Variants in FAM168A observed in about 807,000 individuals in gnomAD.
The protein encoded by FAM168A is family with sequence similarity 168 member A.
FAM168A carries 3 observed loss-of-function variants against 28.5 expected under a neutral mutation model. The ratio of observed to expected loss-of-function variants is 0.11; its 90% CI spans 0.05 to 0.27. The LOEUF (loss-of-function observed/expected upper bound fraction) is 0.27. Ranked by LOEUF, FAM168A falls within the 10% of genes least tolerant of loss-of-function variation. The pLI is 1.00. For synonymous variants in FAM168A, 122 were observed against 124.2 expected (o/e 0.98, Z 0.12); for missense variants, 222 against 311.5 (o/e 0.71, Z 2.16).
chr11:73,451,973 G>A (rs1475636427), intron 2 of FAM168A: 1 of 152,164 alleles, frequency 6.6e-6, no homozygotes, highest in African/African-American at 2.4e-5. Flanking sequence ...CTTGATTTGT[G>A]TCTACACCTA....
chr11:73,503,017 A>C (rs558904395), intron 1 of FAM168A, among the ~76,000 whole-genome samples: 39 of 152,302 alleles, frequency 2.6e-4, no homozygotes, highest in African/African-American at 9.1e-4. Flanking sequence ...AATAAGAACT[A>C]TTTATGACAA....
intron 1 of FAM168A, among the ~76,000 whole-genome samples, chr11:73,576,970 T>A (rs1176133128): frequency 6.7e-6 from 1 of 150,362 alleles, no homozygotes; most frequent in Non-Finnish European, 1.5e-5. Context: ...AAAAAAAAAA[T>A]TCCTTTGCAA....
At chr11:73,591,644 T>TG (rs1449279675) in intron 1 of FAM168A, among the ~76,000 whole-genome samples, 1 of 152,154 alleles carries the variant, frequency 6.6e-6, no homozygotes, top group African/African-American at 2.4e-5. Flanking sequence ...AAAATAGCTA[T>TG]GAACAGAGGT....
At chr11:73,543,540 C>A (rs1943684324) in intron 1 of FAM168A, among the ~76,000 whole-genome samples, 1 of 152,134 alleles carries the variant, frequency 6.6e-6, no homozygotes, top group Non-Finnish European at 1.5e-5. Flanking sequence ...GGATTACAGG[C>A]ATGAGCTACC....
chr11:73,535,170 C>CT (rs370181090), intron 1 of FAM168A, among the ~76,000 whole-genome samples: 6 of 150,142 alleles, frequency 4.0e-5, no homozygotes, highest in African/African-American at 1.5e-4. Context: ...TTTTTTTTTT[C>CT]TTTTTTTTAC....
chr11:73,437,113 T>C (rs74974203), intron 2 of FAM168A, among the ~76,000 whole-genome samples: 5 of 149,944 alleles, frequency 3.3e-5, no homozygotes, highest in Non-Finnish European at 5.9e-5. Flanking sequence ...TTTTTTTTTT[T>C]TCCAAGACGG....
chr11:73,595,931 T>C lies in FAM168A; in HGVS notation c.-19+1992A>G, dbSNP rs1944435972. 2.0e-5 allele frequency among the ~76,000 whole-genome samples: 3 copies of C among 152,322 alleles called. No individual in the cohort carries two copies. The South Asian group carries it at 6.2e-4, about 32-fold the overall frequency. ...GAAAAACTCCATCAGTACCAAACCA[T>C]CTCACCAATGAATATTTATGACATT... is the stretch of plus-strand genomic sequence containing the variant. On this transcript the variant is annotated intron_variant, in intron 1 of 7. Transcript: ENST00000356467.
intron 1 of FAM168A, among the ~76,000 whole-genome samples, chr11:73,516,356 G>A (rs2134644642): frequency 6.6e-6 from 1 of 152,144 alleles, no homozygotes; most frequent in South Asian, 2.1e-4. Flanking sequence ...TTACTTTACT[G>A]GATTGTCAAA....
At chr11:73,519,877 G>C (rs961297973) in intron 1 of FAM168A, among the ~76,000 whole-genome samples, 4 of 151,484 alleles carry the variant, frequency 2.6e-5, no homozygotes, top group African/African-American at 4.9e-5. Context: ...GCCCAGACTG[G>C]TCTCAAACTC....
chr11:73,461,220 G>A (rs1256465821), intron 2 of FAM168A, among the ~76,000 whole-genome samples: 1 of 152,018 alleles, frequency 6.6e-6, no homozygotes, highest in Non-Finnish European at 1.5e-5. Flanking sequence ...GGGCTCAAGT[G>A]ACCCTCCCAA....
chr11:73,499,423 A>G (rs1476983630), intron 1 of FAM168A, among the ~76,000 whole-genome samples: 2 of 152,114 alleles, frequency 1.3e-5, no homozygotes, highest in African/African-American at 4.8e-5. Flanking sequence ...AGAAGAAATC[A>G]ATGAAAAAAT....
At chr11:73,588,396 A>C (rs1332746776) in intron 1 of FAM168A, among the ~76,000 whole-genome samples, 1 of 152,182 alleles carries the variant, frequency 6.6e-6, no homozygotes, top group Admixed American at 6.5e-5. Flanking sequence ...TACAGTTCAG[A>C]AGATCTGCAC....
intron 2 of FAM168A, among the ~76,000 whole-genome samples, chr11:73,462,023 T>C (rs761269613): frequency 2.6e-5 from 4 of 152,190 alleles, no homozygotes; most frequent in Non-Finnish European, 5.9e-5. Context: ...AGGGAGTATG[T>C]AAAATGCTGC....
intron 1 of FAM168A, among the ~76,000 whole-genome samples, chr11:73,526,404 A>G (rs1302208453): frequency 1.3e-5 from 2 of 152,170 alleles, no homozygotes; most frequent in Non-Finnish European, 1.5e-5. Context: ...ACCTAAAAAT[A>G]AAAGGGCTTT....
chr11:73,527,611 G>A (rs1394580926), intron 1 of FAM168A, among the ~76,000 whole-genome samples: 1 of 152,066 alleles, frequency 6.6e-6, no homozygotes, highest in Non-Finnish European at 1.5e-5. Flanking sequence ...GATTGCTATT[G>A]TCATTATTAT....
intron 1 of FAM168A, among the ~76,000 whole-genome samples, chr11:73,593,541 G>GT (rs1317539169): frequency 6.6e-6 from 1 of 152,132 alleles, no homozygotes; most frequent in Non-Finnish European, 1.5e-5. Context: ...TTAAAGAACT[G>GT]TTTAAAGTTC....
chr11:73,432,439 T>TTTC (rs577446701), intron 2 of FAM168A, among the ~76,000 whole-genome samples: 2 of 151,224 alleles, frequency 1.3e-5, no homozygotes, highest in East Asian at 3.8e-4. Flanking sequence ...CAACCCTTGT[T>TTTC]TTATTATTAT....
chr11:73,589,187 T>C (rs1167783155), intron 1 of FAM168A, among the ~76,000 whole-genome samples: 1 of 152,132 alleles, frequency 6.6e-6, no homozygotes, highest in African/African-American at 2.4e-5. Flanking sequence ...CGCATAATGC[T>C]ACAAAAATTA....
In FAM168A at chr11:73,417,277, T is replaced by G. The variant is rs1050688556; in HGVS notation, c.277+2597A>C. ...AGAAAGAACCTTGGAGATGATTTAG[T>G]TCAGTTCCCTCATTTTGCAGTTTGA... On this transcript the variant is annotated intron_variant, in intron 4 of 7. Coordinates refer to ENST00000356467, the MANE Select transcript of FAM168A (RefSeq NM_015159.3). Among the ~76,000 whole-genome samples, 10 of 152,176 alleles carry G rather than the reference T, an allele frequency of 6.6e-5. No individual in the cohort carries two copies. In the South Asian group the frequency reaches 1.4e-3, roughly 22 times the overall value.
Sources: gnomAD v4.1 joint callset for allele counts (sites outside exome capture counted in the v4.1 genomes callset) on GRCh38, gnomAD v4.1.1 for gene constraint, MANE v1.5 for transcripts, NCBI Gene and HGNC (gene_info 2026-07-23, HGNC 2026-07-21) for gene names.